Variants in OSBPL3 observed in about 807,000 individuals in gnomAD.
OSBPL3 encodes the protein oxysterol-binding protein-related protein 3.
Under a neutral mutation model 120.1 loss-of-function variants are expected in OSBPL3, and 65 were observed. That is an observed-to-expected ratio of 0.54 (90% CI 0.44 to 0.67). OSBPL3 has a LOEUF of 0.67. Ranked by LOEUF, OSBPL3 falls within the 30% of genes least tolerant of loss-of-function variation. The probability of loss-of-function intolerance (pLI) is 0.00; values close to 1 mark genes in which losing one functional copy is unlikely to be tolerated. For missense variants in OSBPL3, 1,004 were observed against 1,082.1 expected (o/e 0.93, Z 1.01); for synonymous variants, 416 against 402.6 (o/e 1.03, Z -0.40).
In OSBPL3 at chr7:24,820,305, T is replaced by G; in HGVS notation, c.1885-67A>C. 1.7e-6 allele frequency: 2 copies of G among 1,189,294 alleles called. No homozygotes were observed. The highest frequency in any genetic ancestry group is 2.5e-6 in the Non-Finnish European group (2 of 806,746). The allele number at this position is 1,189,294 out of a possible 1,614,324, so 73.7% of individuals were successfully genotyped here. A position where few individuals can be genotyped will look rare whatever the true frequency, so the allele number is the denominator to read the frequency against. On this transcript the variant is annotated intron_variant, in intron 16 of 22. Coordinates refer to ENST00000313367, the MANE Select transcript of OSBPL3 (RefSeq NM_015550.4). The surrounding 1 kb of genome is among the most constrained non-coding windows in gnomAD (Gnocchi z 4.6). ...TTTTGTGTCTCATGAAATCCATTCTTTCTCCCCTGCACTGAGATGTAACAG... is the reference window on the plus strand; with the variant it reads ...TTTTGTGTCTCATGAAATCCATTCTGTCTCCCCTGCACTGAGATGTAACAG...
chr7:24,921,835 G>A (rs1417820063), intron 1 of OSBPL3, among the ~76,000 whole-genome samples: 1 of 152,170 alleles, frequency 6.6e-6, no homozygotes, highest in Non-Finnish European at 1.5e-5. Context: ...CACATTATGG[G>A]ATTTTAAAGA....
chr7:24,915,578 A>ATT (rs575722030), intron 1 of OSBPL3, among the ~76,000 whole-genome samples: 20 of 144,308 alleles, frequency 1.4e-4, no homozygotes, highest in Non-Finnish European at 1.5e-4. Context: ...CCAAACATTA[A>ATT]TTTTTTTTTT....
At position 24,904,918 on chromosome 7, in the gene OSBPL3, G is replaced by GGTGTGTGTGTGTGTGT. The variant is rs67222925; in HGVS notation, c.-149-12313_-149-12298dup. On this transcript the variant is annotated intron_variant, in intron 1 of 22. Coordinates refer to ENST00000313367, the MANE Select transcript of OSBPL3 (RefSeq NM_015550.4). ...TGAAGTGTTCTGATCATAATATACAGGTGTGTGTGTGTGTGTGTGTGTGTG... is the reference window on the plus strand; with the variant it reads ...TGAAGTGTTCTGATCATAATATACAGGTGTGTGTGTGTGTGTGTGTGTGTGTGTGTGTGTGTGTGTG... Among the ~76,000 whole-genome samples, 901 of 132,926 alleles carry GGTGTGTGTGTGTGTGT rather than the reference G, an allele frequency of 6.8e-3. 11 individuals carry two copies. Among genetic ancestry groups the GGTGTGTGTGTGTGTGT allele is most frequent in the South Asian group, 0.016 (57 of 3,542 alleles). The allele number at this position is 132,926 out of a possible 152,430, so 87.2% of individuals were successfully genotyped here.
intron 1 of OSBPL3, among the ~76,000 whole-genome samples, chr7:24,903,896 T>TA (rs1807446516): frequency 6.6e-6 from 1 of 151,666 alleles, no homozygotes; most frequent in African/African-American, 2.4e-5. Context: ...TTTTTTTTTT[T>TA]TTTTGAGACA....
Position 24,824,257 on chromosome 7 carries a change from T to C in OSBPL3, c.1885-4019A>G, listed in dbSNP as rs1233071993. ...TTCCCCTGGCAGTTAAGAATTCTGG[T>C]AATTTATAATTTATTTATATATCTG... On this transcript the variant is annotated intron_variant, in intron 16 of 22. Coordinates refer to ENST00000313367, the MANE Select transcript of OSBPL3 (RefSeq NM_015550.4). The surrounding 1 kb of genome is among the most constrained non-coding windows in gnomAD (Gnocchi z 4.9). 4.6e-5 allele frequency among the ~76,000 whole-genome samples: 7 copies of C among 152,254 alleles called. No homozygotes were observed. The highest frequency in any genetic ancestry group is 7.3e-5 in the Non-Finnish European group (5 of 68,042).
At chr7:24,839,229 G>C (rs1224909537) in intron 14 of OSBPL3, among the ~76,000 whole-genome samples, 1 of 152,158 alleles carries the variant, frequency 6.6e-6, no homozygotes, top group Non-Finnish European at 1.5e-5. Context: ...CAAACCTAGA[G>C]ACTCCAAGGC....
Position 24,852,570 on chromosome 7 carries a change from C to G in OSBPL3, c.1092G>C (p.Leu364=). The G allele has an allele frequency of 6.2e-7, 1 of 1,610,132 alleles. No homozygotes were observed. The highest frequency in any genetic ancestry group is 1.1e-5 in the South Asian group (1 of 90,298). Residue 364 remains leucine, a synonymous_variant, in exon 11 of 23, where the codon CTG becomes CTC. Transcript: ENST00000313367. This position sits in a 1 kb window ranked among gnomAD's most constrained non-coding sequence, Gnocchi z 4.1. ...GGGAGGAGGAGGCATCCTGCTCCAT[C>G]AGCTGCTTCAGTTTCTCTCTCTCCG... ...MSAEREKLKQ[L]MEQDASSSPS... is the part of the protein sequence containing the mutation.
rs1004979485 is a variant in OSBPL3 at position 24,952,376 on chromosome 7, T to C, written c.-150+27510A>G. Among the ~76,000 whole-genome samples the C allele has an allele frequency of 2.6e-5, 4 of 152,228 alleles. No individual in the cohort carries two copies. Among genetic ancestry groups the C allele is most frequent in the African/African-American group, 9.7e-5 (4 of 41,450 alleles). Reference sequence around the variant, plus strand: ...TTGCCCAATGTCATGTAATCACTAATCATATACCGGTTATCTAGGTCTCCT... The same window carrying C: ...TTGCCCAATGTCATGTAATCACTAACCATATACCGGTTATCTAGGTCTCCT... On this transcript the variant is annotated intron_variant, in intron 1 of 22. Transcript: ENST00000313367. The surrounding 1 kb of genome is among the most constrained non-coding windows in gnomAD (Gnocchi z 4.4).
intron 12 of OSBPL3, among the ~76,000 whole-genome samples, chr7:24,846,158 T>C (rs1798422693): frequency 6.6e-6 from 1 of 152,236 alleles, no homozygotes; most frequent in South Asian, 2.1e-4. Context: ...TCTGTCCCAT[T>C]CTTACCCATC....
chr7:24,804,569 C>G lies in OSBPL3; in HGVS notation c.2445-132G>C, dbSNP rs563668218. The G allele has an allele frequency of 5.5e-5, 39 of 712,050 alleles. No homozygotes were observed. In the South Asian group the frequency reaches 7.2e-4, roughly 13 times the overall value. 44.1% of individuals were successfully genotyped at this position (712,050 alleles called of 1,614,324 possible). On this transcript the variant is annotated intron_variant, in intron 21 of 22. Coordinates refer to ENST00000313367, the MANE Select transcript of OSBPL3 (RefSeq NM_015550.4). The surrounding 1 kb of genome is among the most constrained non-coding windows in gnomAD (Gnocchi z 5.4). ...CCTATACGTAAGACCCCGCCCCAAC[C>G]GTTTAATCCGTATCTTGAAGTAGTC...
At position 24,940,275 on chromosome 7, in the gene OSBPL3, A is replaced by G. The variant is rs569009424; in HGVS notation, c.-150+39611T>C. On this transcript the variant is annotated intron_variant, in intron 1 of 22. Coordinates refer to ENST00000313367, the MANE Select transcript of OSBPL3 (RefSeq NM_015550.4). The surrounding 1 kb of genome is among the most constrained non-coding windows in gnomAD (Gnocchi z 4.4). ...AGAAAGCCAATAAGCAGAGTGGTAAACTGAGTACAAAGACAGAAGAAGTGG... is the reference window on the plus strand; with the variant it reads ...AGAAAGCCAATAAGCAGAGTGGTAAGCTGAGTACAAAGACAGAAGAAGTGG... 6.6e-6 allele frequency among the ~76,000 whole-genome samples: 1 copy of G among 152,340 alleles called. No homozygotes were observed. The highest frequency in any genetic ancestry group is 2.4e-5 in the African/African-American group (1 of 41,592).
chr7:24,870,810 G>A lies in OSBPL3; in HGVS notation c.303C>T (p.Val101=), dbSNP rs147369095. ...TCTTTACAGACATCACTGAGAGCCCGACATCAATGCAGCCATGCAGCTTCT... is the reference window on the plus strand; with the variant it reads ...TCTTTACAGACATCACTGAGAGCCCAACATCAATGCAGCCATGCAGCTTCT... ...EREKLHGCID[V]GLSVMSVKKS... is the part of the protein sequence containing the mutation. The change falls in exon 5 of 23, where the codon GTC becomes GTT. Residue 101 remains valine (V), a synonymous_variant. Coordinates refer to ENST00000313367, the MANE Select transcript of OSBPL3 (RefSeq NM_015550.4). 192 of 1,613,484 alleles carry A rather than the reference G, an allele frequency of 1.2e-4. No individual in the cohort carries two copies. The African/African-American group carries it at 1.4e-3, about 12-fold the overall frequency.
chr7:24,859,496 A>T (rs896067734), intron 10 of OSBPL3, among the ~76,000 whole-genome samples: 20 of 152,296 alleles, frequency 1.3e-4, no homozygotes, highest in African/African-American at 4.6e-4. Context: ...TTGTAACCTT[A>T]CATTTTTACT....
rs920408171 is a variant in OSBPL3 at position 24,803,936 on chromosome 7, G to A, written c.2567+379C>T. Among the ~76,000 whole-genome samples, 1 of 152,196 alleles carries A rather than the reference G, an allele frequency of 6.6e-6. No homozygotes were observed. The highest frequency in any genetic ancestry group is 2.4e-5 in the African/African-American group (1 of 41,460). On this transcript the variant is annotated intron_variant, in intron 22 of 22. Coordinates refer to ENST00000313367, the MANE Select transcript of OSBPL3 (RefSeq NM_015550.4). The surrounding 1 kb of genome is among the most constrained non-coding windows in gnomAD (Gnocchi z 4.2). ...TGTGGAGTGATCGTGAATGATCTCT[G>A]TCATGGTGTAAAACATGCCTATGGG... is the stretch of plus-strand genomic sequence containing the variant.
chr7:24,946,828 G>C lies in OSBPL3; in HGVS notation c.-150+33058C>G, dbSNP rs1480623999. On this transcript the variant is annotated intron_variant, in intron 1 of 22. Transcript: ENST00000313367. This position sits in a 1 kb window ranked among gnomAD's most constrained non-coding sequence, Gnocchi z 4.3. ...ATGTGTGGGAGAAAGAGAAAGAGGA[G>C]AGTGAGGAGAGAGAGAAATTGACTC... 6.6e-6 allele frequency among the ~76,000 whole-genome samples: 1 copy of C among 152,214 alleles called. No homozygotes were observed. Among genetic ancestry groups the C allele is most frequent in the Non-Finnish European group, 1.5e-5 (1 of 68,036 alleles).
At chr7:24,893,252 C>T (rs1038119620) in intron 1 of OSBPL3, among the ~76,000 whole-genome samples, 3 of 152,014 alleles carry the variant, frequency 2.0e-5, no homozygotes, top group Admixed American at 6.6e-5. Context: ...AATGGATGAA[C>T]AAAATCTCAT....
intron 13 of OSBPL3, 66 bp from the exon 14 acceptor site, chr7:24,840,849 C>T (rs183671271): frequency 6.8e-4 from 493 of 721,942 alleles, no homozygotes; most frequent in Middle Eastern, 2.3e-3. Flanking sequence ...TTCATAAAAC[C>T]CTTACTCTAA....
intron 17 of OSBPL3, 77 bp from the exon 18 acceptor site, chr7:24,816,765 A>T (rs1794524883): frequency 1.1e-6 from 1 of 900,754 alleles, no homozygotes; most frequent in Non-Finnish European, 1.9e-6. Context: ...TAGATAAATG[A>T]TCAATCGCTA....
rs757156 is a variant in OSBPL3, at chr7:24,849,001, T to C, written c.1266+68A>G. ...GAGGGGAAGCAGGGAGGTCGTGCAA[T>C]GGGACAGATGGTATCACGGGAGCGG... On this transcript the variant is annotated intron_variant, in intron 12 of 22. Coordinates refer to ENST00000313367, the MANE Select transcript of OSBPL3 (RefSeq NM_015550.4). This position sits in a 1 kb window ranked among gnomAD's most constrained non-coding sequence, Gnocchi z 5.4. 0.69 allele frequency: 766,933 copies of C among 1,109,530 alleles called. 270,959 individuals are homozygous for C. The highest frequency in any genetic ancestry group is 0.99 in the East Asian group (41,785 of 41,998). 68.7% of individuals were successfully genotyped at this position (1,109,530 alleles called of 1,614,324 possible).
Sources: allele counts gnomAD v4.1 joint callset (sites outside exome capture counted in the v4.1 genomes callset), GRCh38; gene constraint gnomAD v4.1.1; non-coding constraint Gnocchi (gnomAD v3.1); transcripts MANE v1.5; gene names NCBI Gene and HGNC (gene_info 2026-07-23, HGNC 2026-07-21).